TXNDC12: variants seen among roughly 807,000 people sequenced by gnomAD.
The protein encoded by TXNDC12 is thioredoxin domain containing 12.
In TXNDC12, 22 loss-of-function variants were observed where a neutral mutation model predicts 24.2. The observed-to-expected ratio is 0.91, with a 90% CI of 0.65 to 1.30. The LOEUF (loss-of-function observed/expected upper bound fraction) is 1.30, where lower values mean the gene tolerates loss of function less well. TXNDC12 is among the 50% of genes most tolerant of loss of function. TXNDC12 has a pLI of 0.00. For missense variants in TXNDC12, 184 were observed against 205.8 expected (o/e 0.89, Z 0.65); for synonymous variants, 58 against 73.4 (o/e 0.79, Z 1.07).
chr1:52,046,920 G>T (rs967871305), intron 1 of TXNDC12, among the ~76,000 whole-genome samples: 1 of 149,212 alleles, frequency 6.7e-6, no homozygotes, highest in Non-Finnish European at 1.5e-5. Context: ...GCACACACCT[G>T]TAATTCCAGC....
At chr1:52,031,727 T>C (rs557642316) in intron 2 of TXNDC12, among the ~76,000 whole-genome samples, 1 of 152,120 alleles carries the variant, frequency 6.6e-6, no homozygotes, top group African/African-American at 2.4e-5. Context: ...CTGACCTCGA[T>C]TTTGGACTCC....
intron 3 of TXNDC12, among the ~76,000 whole-genome samples, 188 bp from the exon 4 acceptor site, chr1:52,027,536 G>T (rs937316331): frequency 6.6e-6 from 1 of 152,030 alleles, no homozygotes; most frequent in African/African-American, 2.4e-5. Flanking sequence ...GCACAGCTAT[G>T]TGACCTTGAG....
chr1:52,037,207 CTTTT>C (rs34590025), intron 2 of TXNDC12, among the ~76,000 whole-genome samples: 4,633 of 123,424 alleles, frequency 0.038, 94 homozygotes, highest in African/African-American at 0.045. Context: ...AATAGACCAC[CTTTT>C]TTTTTTTTTT....
At chr1:52,039,576 C>T (rs913644498) in intron 2 of TXNDC12, among the ~76,000 whole-genome samples, 1 of 152,148 alleles carries the variant, frequency 6.6e-6, no homozygotes, top group Non-Finnish European at 1.5e-5. Context: ...AGTGATCCAC[C>T]CACCTCGGCC....
At chr1:52,027,851 G>T (rs1382407978) in intron 3 of TXNDC12, among the ~76,000 whole-genome samples, 1 of 149,530 alleles carries the variant, frequency 6.7e-6, no homozygotes, top group Non-Finnish European at 1.5e-5. Flanking sequence ...TATTATTTTT[G>T]AGACAGAGTC....
chr1:52,023,707 C>T lies in TXNDC12; in HGVS notation c.356-133G>A, dbSNP rs912899907. ...TGCAGCCCATTACCTCACCATAATA[C>T]CTCCTACATTTCTGCTTCCTTTTCT... On this transcript the variant is annotated intron_variant, in intron 5 of 6. Transcript: ENST00000371626. 9.8e-6 allele frequency: 6 copies of T among 612,270 alleles called. No individual in the cohort carries two copies. In the South Asian group the frequency reaches 9.9e-5, roughly 10 times the overall value. The allele number at this position is 612,270 out of a possible 1,614,324, so 37.9% of individuals were successfully genotyped here.
Position 52,055,150 on chromosome 1 carries a change from G to A in TXNDC12, c.-54C>T. On this transcript the variant is annotated 5_prime_UTR_variant, in exon 1 of 7. Transcript: ENST00000371626. ...GAGCGGACGCAGGGCCGGAGTCCCAGCAGACGGTCCACACAGTTCGCCGAG... is the reference window on the plus strand; with the variant it reads ...GAGCGGACGCAGGGCCGGAGTCCCAACAGACGGTCCACACAGTTCGCCGAG... 3 of 1,292,912 alleles carry A rather than the reference G, an allele frequency of 2.3e-6. No individual in the cohort carries two copies. Among genetic ancestry groups the A allele is most frequent in the Admixed American group, 1.7e-5 (1 of 58,214 alleles). The allele number at this position is 1,292,912 out of a possible 1,614,324, so 80.1% of individuals were successfully genotyped here. A position where few individuals can be genotyped will look rare whatever the true frequency, so the allele number is the denominator to read the frequency against.
chr1:52,023,522 G>T lies in TXNDC12; in HGVS notation c.408C>A (p.Ser136Arg). 6.2e-7 allele frequency: 1 copy of T among 1,614,084 alleles called. No homozygotes were observed. The highest frequency in any genetic ancestry group is 8.5e-7 in the Non-Finnish European group (1 of 1,179,974). Residue 136 changes from serine (S) to arginine (R), a missense_variant, in exon 6 of 7, where the codon AGC becomes AGA. Ser to Arg is a moderately radical substitution (Grantham distance 110, BLOSUM62 -1). Coordinates refer to ENST00000371626, the MANE Select transcript of TXNDC12 (RefSeq NM_015913.4). ...CGGCACTGACATAAAAATACTTGTA[G>T]CTGGGGTTTCCATTCTCATTGATGA... ...PEIINENGNP[S>R]YKYFYVSAEQ...
chr1:52,031,602 C>T (rs151328627), intron 2 of TXNDC12, among the ~76,000 whole-genome samples: 1,902 of 152,256 alleles, frequency 0.012, 35 homozygotes, highest in African/African-American at 0.044. Flanking sequence ...AAGCGATTCT[C>T]GTGCCTCAGC....
chr1:52,051,715 T>A (rs1316657985), intron 1 of TXNDC12: 1 of 169,244 alleles, frequency 5.9e-6, no homozygotes, highest in Non-Finnish European at 1.5e-5. Context: ...TAAGTCCACA[T>A]CACTGTGCTG....
At chr1:52,049,933 ATG>A (rs1242462370) in intron 1 of TXNDC12, among the ~76,000 whole-genome samples, 1 of 152,252 alleles carries the variant, frequency 6.6e-6, no homozygotes, top group African/African-American at 2.4e-5. Flanking sequence ...ATGCTTTTAT[ATG>A]TGTTAACTTA....
chr1:52,043,492 T>C (rs1557997284), intron 1 of TXNDC12, among the ~76,000 whole-genome samples: 1 of 151,662 alleles, frequency 6.6e-6, no homozygotes, highest in Non-Finnish European at 1.5e-5. Context: ...ACATACCACA[T>C]GTGTTATCTC....
At chr1:52,025,901 C>G (rs375066787) in intron 4 of TXNDC12, among the ~76,000 whole-genome samples, 1 of 151,594 alleles carries the variant, frequency 6.6e-6, no homozygotes, top group African/African-American at 2.4e-5. Context: ...GCGATCTCAG[C>G]TCACTGCAAC....
At chr1:52,045,464 C>T (rs1018069444) in intron 1 of TXNDC12, among the ~76,000 whole-genome samples, 28 of 152,122 alleles carry the variant, frequency 1.8e-4, no homozygotes, top group Admixed American at 6.5e-5. Context: ...GATTAGGACA[C>T]AGACAAACTT....
At chr1:52,030,396 C>A (rs1427811339) in intron 2 of TXNDC12, 1 of 152,166 alleles carries the variant, frequency 6.6e-6, no homozygotes, top group Non-Finnish European at 1.5e-5. Flanking sequence ...ACTCCAAAAC[C>A]AATGTTCTTT....
chr1:52,033,165 C>G, intron 2 of TXNDC12: 2 of 1,614,244 alleles, frequency 1.2e-6, no homozygotes, highest in Non-Finnish European at 1.7e-6. Flanking sequence ...AGGCACCGGA[C>G]CCATGCTTTG....
intron 1 of TXNDC12, among the ~76,000 whole-genome samples, chr1:52,041,966 A>G (rs527293936): frequency 6.6e-6 from 1 of 152,256 alleles, no homozygotes; most frequent in Non-Finnish European, 1.5e-5. Flanking sequence ...AAGGTGATTC[A>G]GCAATACAGC....
chr1:52,032,495 T>A, intron 2 of TXNDC12: 1 of 1,344,582 alleles, frequency 7.4e-7, no homozygotes, highest in Non-Finnish European at 9.5e-7. Flanking sequence ...ACCACAATAG[T>A]TCTCCATTCT....
intron 2 of TXNDC12, among the ~76,000 whole-genome samples, chr1:52,031,608 T>C (rs1406640010): frequency 6.6e-6 from 1 of 152,132 alleles, no homozygotes; most frequent in African/African-American, 2.4e-5. Context: ...TTCTCGTGCC[T>C]CAGCCTCCAG....
Sources: gnomAD v4.1 joint callset for allele counts (sites outside exome capture counted in the v4.1 genomes callset) on GRCh38, gnomAD v4.1.1 for gene constraint, MANE v1.5 for transcripts, NCBI Gene and HGNC (gene_info 2026-07-23, HGNC 2026-07-21) for gene names.